The following BRDT variants were observed in gnomAD, a reference collection of about 807,000 sequenced individuals.
The protein encoded by BRDT is bromodomain testis associated, also known as bromodomain testis-specific protein.
A neutral mutation model predicts 113.9 loss-of-function variants in BRDT; 77 were observed. The ratio of observed to expected loss-of-function variants is 0.68; its 90% CI spans 0.56 to 0.82. The LOEUF (loss-of-function observed/expected upper bound fraction) is 0.82. BRDT is among the 40% of genes least tolerant of loss of function. The pLI, the probability that BRDT is intolerant of heterozygous loss-of-function variation, is 0.00. For missense variants in BRDT, 1,027 were observed against 1,105.4 expected, an observed-to-expected ratio of 0.93 and a Z score of 1.01; for synonymous variants, 358 against 366.5, an observed-to-expected ratio of 0.98 and a Z score of 0.26.
At chr1:91,978,447 C>G (rs773501425) in intron 7 of BRDT, 151 bp downstream of exon 7, 42 of 918,056 alleles carry the variant, frequency 4.6e-5, no homozygotes, top group Middle Eastern at 2.4e-4. Context: ...ACCAACAAAA[C>G]AGTTTATGAA....
At chr1:91,982,037 T>A (rs1233072470) in intron 12 of BRDT, among the ~76,000 whole-genome samples, 1 of 152,160 alleles carries the variant, frequency 6.6e-6, no homozygotes, top group East Asian at 1.9e-4. Flanking sequence ...AATCTTAATA[T>A]CAAAATATAT....
intron 7 of BRDT, 111 bp downstream of exon 7, chr1:91,978,407 T>G: frequency 8.0e-7 from 1 of 1,255,174 alleles, no homozygotes; most frequent in Non-Finnish European, 1.1e-6. Context: ...CCTCTAAGTA[T>G]TAAATGGCAA....
chr1:91,963,666 G>A (rs764598440), intron 2 of BRDT, among the ~76,000 whole-genome samples: 2 of 151,984 alleles, frequency 1.3e-5, no homozygotes, highest in African/African-American at 2.4e-5. Flanking sequence ...TAGTCAACTC[G>A]AAGCTGGAAT....
chr1:91,989,168 AT>A (rs879671233), intron 12 of BRDT, among the ~76,000 whole-genome samples: 60 of 146,864 alleles, frequency 4.1e-4, no homozygotes, highest in Admixed American at 7.5e-4. Context: ...ATGCCCTTGA[AT>A]TTTTTTTTTT....
intron 18 of BRDT, among the ~76,000 whole-genome samples, chr1:92,010,523 G>A (rs1687705483): frequency 6.6e-6 from 1 of 151,946 alleles, no homozygotes; most frequent in Non-Finnish European, 1.5e-5. Flanking sequence ...CTGTCCTTAA[G>A]GGATCTGCCT....
rs757273406 is a variant in BRDT, at chr1:91,981,637, C to T, written c.1884C>T (p.Ser628=). ...TTGTAGCTGATAAAACGCAACCATCCAAAGCTGTTGAAAATGTTTCCCGAC... is the reference window on the plus strand; with the variant it reads ...TTGTAGCTGATAAAACGCAACCATCTAAAGCTGTTGAAAATGTTTCCCGAC... ...RQTKSDKTQP[S]KAVENVSRLS... is the part of the protein sequence containing the mutation. The change falls in exon 12 of 19, where the codon TCC becomes TCT. Residue 628 remains serine (S), a synonymous_variant. Transcript: ENST00000399546. 2 of 1,614,006 alleles carry T rather than the reference C, an allele frequency of 1.2e-6. No individual in the cohort carries two copies. Among genetic ancestry groups the T allele is most frequent in the East Asian group, 2.2e-5 (1 of 44,888 alleles).
chr1:91,968,291 T>C (rs773702673), intron 4 of BRDT, 31 bp downstream of exon 4: 1 of 1,605,920 alleles, frequency 6.2e-7, no homozygotes, highest in Non-Finnish European at 8.5e-7. Context: ...TTTATGGTTC[T>C]CTCTCTTTTT....
At chr1:91,988,538 T>C (rs1319976327) in intron 12 of BRDT, among the ~76,000 whole-genome samples, 2 of 152,040 alleles carry the variant, frequency 1.3e-5, no homozygotes, top group African/African-American at 4.8e-5. Context: ...GTAGCTGGGA[T>C]TACAGGTTTG....
At chr1:91,956,777 C>T (rs183743463) in intron 1 of BRDT, among the ~76,000 whole-genome samples, 1 of 151,962 alleles carries the variant, frequency 6.6e-6, no homozygotes, top group Admixed American at 6.6e-5. Context: ...GGCTCCCCCC[C>T]TTTCCTGAAA....
At chr1:92,001,443 C>T (rs1686833136) in intron 15 of BRDT, among the ~76,000 whole-genome samples, 1 of 152,140 alleles carries the variant, frequency 6.6e-6, no homozygotes, top group Non-Finnish European at 1.5e-5. Context: ...TGCCTGTAAT[C>T]CCAGCACTTT....
At chr1:91,957,435 C>G (rs1047705108) in intron 1 of BRDT, 1 of 151,986 alleles carries the variant, frequency 6.6e-6, no homozygotes, top group Non-Finnish European at 1.5e-5. Flanking sequence ...GGAGCTTGGA[C>G]TGAGCCGAGA....
chr1:92,013,686 C>T (rs1023123909), intron 18 of BRDT, among the ~76,000 whole-genome samples: 5 of 152,164 alleles, frequency 3.3e-5, no homozygotes, highest in African/African-American at 4.8e-5. Context: ...TACATGTAAT[C>T]TGATTCTTCA....
intron 12 of BRDT, among the ~76,000 whole-genome samples, chr1:91,986,883 C>G (rs915138879): frequency 2.0e-5 from 3 of 151,680 alleles, no homozygotes; most frequent in Non-Finnish European, 4.4e-5. Context: ...GCCATTCAAA[C>G]TAGAAAGCTA....
At chr1:91,968,459 A>G (rs1345426894) in intron 4 of BRDT, among the ~76,000 whole-genome samples, 199 bp downstream of exon 4, 4 of 152,360 alleles carry the variant, frequency 2.6e-5, no homozygotes, top group Middle Eastern at 3.4e-3. Flanking sequence ...TGAGGACTGC[A>G]TTGATTATGG....
intron 15 of BRDT, 94 bp from the exon 16 acceptor site, chr1:92,001,955 A>G (rs1048626755): frequency 8.5e-6 from 7 of 827,646 alleles, no homozygotes; most frequent in Non-Finnish European, 1.3e-5. Context: ...CTTTGTTTTC[A>G]TAGTGTCTGA....
At position 91,977,234 on chromosome 1, in the gene BRDT, T is replaced by C. The variant is rs1684237431; in HGVS notation, c.810T>C (p.Thr270=). Residue 270 remains threonine (T), a synonymous_variant, in exon 6 of 19, where the codon ACT becomes ACC. Transcript: ENST00000399546. ...ATGTTGTGAAGACTGTTAAAGTAAC[T>C]GAACAATTAAGGCACTGTAGTGAGA... is the stretch of plus-strand genomic sequence containing the variant. ...QYNVVKTVKV[T]EQLRHCSEIL... The C allele has an allele frequency of 6.2e-7, 1 of 1,614,048 alleles. No homozygotes were observed. The highest frequency in any genetic ancestry group is 8.5e-7 in the Non-Finnish European group (1 of 1,179,974).
chr1:91,957,241 C>T (rs1392476741), intron 1 of BRDT, among the ~76,000 whole-genome samples: 3 of 152,124 alleles, frequency 2.0e-5, no homozygotes, highest in Non-Finnish European at 2.9e-5. Flanking sequence ...TGCCTGTAAT[C>T]CCAGTACTTT....
At chr1:91,970,827 T>C (rs901863243) in intron 4 of BRDT, among the ~76,000 whole-genome samples, 1 of 149,752 alleles carries the variant, frequency 6.7e-6, no homozygotes, top group Non-Finnish European at 1.5e-5. Flanking sequence ...GAGGATTGCT[T>C]GAACCCAGTG....
intron 16 of BRDT, among the ~76,000 whole-genome samples, chr1:92,003,637 C>A (rs1207989841): frequency 6.6e-6 from 1 of 152,092 alleles, no homozygotes; most frequent in Non-Finnish European, 1.5e-5. Flanking sequence ...ACTAGTTTTT[C>A]AACTGTGAAT....
Sources: allele counts gnomAD v4.1 joint callset (sites outside exome capture counted in the v4.1 genomes callset), GRCh38; gene constraint gnomAD v4.1.1; transcripts MANE v1.5; gene names NCBI Gene and HGNC (gene_info 2026-07-23, HGNC 2026-07-21).